The following FAM184B variants were observed in gnomAD, a reference collection of about 807,000 sequenced individuals.
The protein encoded by FAM184B is protein FAM184B.
FAM184B carries 111 observed loss-of-function variants against 135.9 expected under a neutral mutation model. The ratio of observed to expected loss-of-function variants is 0.82; its 90% CI spans 0.70 to 0.96. FAM184B has a LOEUF of 0.96. Ranked by LOEUF, FAM184B falls within the 40% of genes least tolerant of loss-of-function variation. FAM184B has a pLI of 0.00. For missense variants in FAM184B, 1,375 were observed against 1,323.9 expected, an observed-to-expected ratio of 1.04 and a Z score of -0.60; for synonymous variants, 552 against 524.8, an observed-to-expected ratio of 1.05 and a Z score of -0.71.
At chr4:17,747,913 T>A (rs1357258349) in intron 1 of FAM184B, among the ~76,000 whole-genome samples, 1 of 95,798 alleles carries the variant, frequency 1.0e-5, no homozygotes. Context: ...AGAGCGAGAC[T>A]CTGTCTCAAA....
intron 5 of FAM184B, among the ~76,000 whole-genome samples, chr4:17,702,222 T>C (rs1260505661): frequency 6.6e-6 from 1 of 152,176 alleles, no homozygotes; most frequent in Non-Finnish European, 1.5e-5. Context: ...CCCAGTTTGG[T>C]TTGTGATTCT....
intron 1 of FAM184B, among the ~76,000 whole-genome samples, chr4:17,710,882 C>T (rs536204539): frequency 4.7e-4 from 71 of 152,268 alleles, no homozygotes; most frequent in African/African-American, 1.5e-3. Context: ...TGATGTGCCC[C>T]TGGACATACT....
intron 6 of FAM184B, among the ~76,000 whole-genome samples, chr4:17,688,842 C>A (rs1440251615): frequency 6.6e-6 from 1 of 151,998 alleles, no homozygotes. Context: ...CAGGTATGCA[C>A]CACCACGCCC....
chr4:17,666,666 A>AC (rs1716056874), intron 7 of FAM184B, among the ~76,000 whole-genome samples: 1 of 148,834 alleles, frequency 6.7e-6, no homozygotes, highest in Non-Finnish European at 1.5e-5. Context: ...CTAAAATCTC[A>AC]CCCCCCTCAC....
At chr4:17,731,727 T>C (rs1381504641) in intron 1 of FAM184B, among the ~76,000 whole-genome samples, 1 of 152,130 alleles carries the variant, frequency 6.6e-6, no homozygotes, top group African/African-American at 2.4e-5. Flanking sequence ...ACAATAATAA[T>C]GGGAGACTTT....
intron 1 of FAM184B, among the ~76,000 whole-genome samples, chr4:17,778,955 T>G (rs1718981864): frequency 6.6e-6 from 1 of 152,166 alleles, no homozygotes; most frequent in South Asian, 2.1e-4. Flanking sequence ...TACAAAGTTC[T>G]TTCATGGGAA....
chr4:17,756,257 A>G (rs1230960710), intron 1 of FAM184B, among the ~76,000 whole-genome samples: 2 of 152,214 alleles, frequency 1.3e-5, no homozygotes, highest in Non-Finnish European at 2.9e-5. Context: ...GGAAATAAAA[A>G]GCAAGAAACC....
chr4:17,759,828 A>G (rs1718503594), intron 1 of FAM184B, among the ~76,000 whole-genome samples: 1 of 152,166 alleles, frequency 6.6e-6, no homozygotes, highest in African/African-American at 2.4e-5. Flanking sequence ...TCATTCAAAA[A>G]AGTCTTAGCC....
chr4:17,768,885 A>C (rs895485799), intron 1 of FAM184B, among the ~76,000 whole-genome samples: 5 of 151,252 alleles, frequency 3.3e-5, no homozygotes, highest in African/African-American at 1.2e-4. Context: ...GCTCACTGCA[A>C]CCTCCGTTCC....
chr4:17,651,705 C>A (rs1204574408), intron 11 of FAM184B, among the ~76,000 whole-genome samples: 1 of 152,036 alleles, frequency 6.6e-6, no homozygotes, highest in Non-Finnish European at 1.5e-5. Context: ...CTATTATTAT[C>A]CTCATTTTAG....
chr4:17,766,372 A>G (rs1173325784), intron 1 of FAM184B, among the ~76,000 whole-genome samples: 2 of 152,234 alleles, frequency 1.3e-5, no homozygotes, highest in African/African-American at 4.8e-5. Flanking sequence ...ACCTTGAGCT[A>G]GACCACAGGG....
chr4:17,674,636 G>T (rs1306100727), intron 7 of FAM184B, among the ~76,000 whole-genome samples: 1 of 152,156 alleles, frequency 6.6e-6, no homozygotes, highest in Non-Finnish European at 1.5e-5. Flanking sequence ...ATACCATTTT[G>T]CTCACAGTAG....
chr4:17,717,596 A>C (rs971774613), intron 1 of FAM184B, among the ~76,000 whole-genome samples: 1 of 152,226 alleles, frequency 6.6e-6, no homozygotes, highest in Non-Finnish European at 1.5e-5. Context: ...TGAGCAAGTC[A>C]AAACGACTTC....
chr4:17,771,130 G>A (rs745987872), intron 1 of FAM184B, among the ~76,000 whole-genome samples: 20 of 152,200 alleles, frequency 1.3e-4, no homozygotes, highest in Non-Finnish European at 2.5e-4. Flanking sequence ...ATACCTGGGA[G>A]TGGAAAGATA....
intron 1 of FAM184B, among the ~76,000 whole-genome samples, chr4:17,718,081 G>A (rs901735324): frequency 3.3e-5 from 5 of 152,160 alleles, no homozygotes; most frequent in Admixed American, 2.6e-4. Flanking sequence ...ACTTCAGTAC[G>A]TTGCTGAACC....
intron 7 of FAM184B, among the ~76,000 whole-genome samples, chr4:17,684,620 TA>T (rs1451035826): frequency 6.6e-6 from 1 of 152,234 alleles, no homozygotes; most frequent in Non-Finnish European, 1.5e-5. Flanking sequence ...ACATGCCAGG[TA>T]TTGCACACAT....
At chr4:17,657,162 A>AT (rs1000854608) in intron 10 of FAM184B, among the ~76,000 whole-genome samples, 8 of 152,288 alleles carry the variant, frequency 5.3e-5, no homozygotes, top group African/African-American at 1.9e-4. Context: ...TAAATGCTGC[A>AT]TTTTTTATTT....
rs538881412 is a variant in FAM184B, at chr4:17,645,144, T to C, written c.2346+2493A>G. ...ATAGGAAGAATCAATATTGTGAAAA[T>C]GGCTATACTGCCCAAGGTAATTTAT... On this transcript the variant is annotated intron_variant, in intron 12 of 17. Transcript: ENST00000265018. 1.1e-3 allele frequency among the ~76,000 whole-genome samples: 170 copies of C among 152,270 alleles called. 3 individuals are homozygous for C. In the South Asian group the frequency reaches 0.023, roughly 21 times the overall value.
chr4:17,715,575 GCA>G (rs920190818), intron 1 of FAM184B, among the ~76,000 whole-genome samples: 1 of 152,018 alleles, frequency 6.6e-6, no homozygotes, highest in African/African-American at 2.4e-5. Flanking sequence ...CTTTCATATA[GCA>G]CAGTGACTGT....
Sources: allele counts gnomAD v4.1 joint callset (sites outside exome capture counted in the v4.1 genomes callset), GRCh38; gene constraint gnomAD v4.1.1; transcripts MANE v1.5; gene names NCBI Gene and HGNC (gene_info 2026-07-23, HGNC 2026-07-21).